Variants in RIPOR2 observed in about 807,000 individuals in gnomAD.
RIPOR2 encodes the protein rho family-interacting cell polarization regulator 2.
In RIPOR2, 39 loss-of-function variants were observed where a neutral mutation model predicts 114.5. The observed-to-expected ratio is 0.34, with a 90% CI of 0.26 to 0.44. The LOEUF (loss-of-function observed/expected upper bound fraction) is 0.44. Among genes scored for constraint, RIPOR2 ranks in the 20% least tolerant of loss-of-function variants. RIPOR2 has a pLI of 1.00. For synonymous variants in RIPOR2, 445 were observed against 484.4 expected (o/e 0.92, Z 1.07); for missense variants, 1,007 against 1,255.1 (o/e 0.80, Z 2.99).
rs138718814 is a variant in RIPOR2, at chr6:24,959,520, G to A, written c.76+82331C>T. On this transcript the variant is annotated intron_variant, in intron 1 of 13. Transcript: ENST00000510784. ...GGTGGCCTCACTTCTGGTTAACCAC[G>A]GATGTAGTGCTGAAACCCAATGGGT... Among the ~76,000 whole-genome samples the A allele has an allele frequency of 2.1e-3, 321 of 152,278 alleles. 4 individuals are homozygous for A. In the East Asian group the frequency reaches 0.023, roughly 11 times the overall value.
At chr6:24,900,259 G>A (rs951040071) in intron 1 of RIPOR2, among the ~76,000 whole-genome samples, 2 of 152,050 alleles carry the variant, frequency 1.3e-5, no homozygotes, top group Non-Finnish European at 2.9e-5. Context: ...GATGCCAGAC[G>A]GCCTAGGTTT....
Position 24,899,848 on chromosome 6 carries a change from C to T in RIPOR2, c.62-24031G>A, listed in dbSNP as rs535971699. Reference sequence around the variant, plus strand: ...CGTTTGCAAGAGGAAGGAGAAGGCACGCCACTGATATGGCGTTATTTATCA... The same window carrying T: ...CGTTTGCAAGAGGAAGGAGAAGGCATGCCACTGATATGGCGTTATTTATCA... On this transcript the variant is annotated intron_variant, in intron 1 of 21. Transcript: ENST00000643898. Among the ~76,000 whole-genome samples, 8 of 152,270 alleles carry T rather than the reference C, an allele frequency of 5.3e-5. No individual in the cohort carries two copies. The East Asian group carries it at 1.2e-3, about 22-fold the overall frequency.
chr6:24,903,653 T>A (rs1264715509), intron 1 of RIPOR2, among the ~76,000 whole-genome samples: 1 of 152,128 alleles, frequency 6.6e-6, no homozygotes, highest in African/African-American at 2.4e-5. Flanking sequence ...AGGGGTTACA[T>A]GAGACATTTT....
chr6:24,852,041 CTT>C (rs1762998385), intron 9 of RIPOR2, among the ~76,000 whole-genome samples: 1 of 151,990 alleles, frequency 6.6e-6, no homozygotes, highest in Non-Finnish European at 1.5e-5. Context: ...GGGGGAATCA[CTT>C]GAGGTCAGGA....
At chr6:24,862,008 AT>A (rs1411635558) in intron 7 of RIPOR2, among the ~76,000 whole-genome samples, 1 of 152,214 alleles carries the variant, frequency 6.6e-6, no homozygotes, top group Non-Finnish European at 1.5e-5. Context: ...CCCAAAAATT[AT>A]TTTTGGGTCT....
chr6:24,824,021 T>A (rs1481356266), intron 19 of RIPOR2, among the ~76,000 whole-genome samples: 1 of 152,148 alleles, frequency 6.6e-6, no homozygotes, highest in Non-Finnish European at 1.5e-5. Flanking sequence ...CCTCCCAAAG[T>A]GTTGGGATTA....
intron 1 of RIPOR2, among the ~76,000 whole-genome samples, chr6:24,951,613 C>G (rs1772767811): frequency 6.6e-6 from 1 of 152,154 alleles, no homozygotes; most frequent in Non-Finnish European, 1.5e-5. Context: ...TTCCCAGTTT[C>G]TCTCCTGTTT....
intron 1 of RIPOR2, among the ~76,000 whole-genome samples, chr6:24,929,731 G>A (rs569926322): frequency 3.3e-5 from 5 of 152,142 alleles, no homozygotes; most frequent in South Asian, 4.1e-4. Context: ...TTTGCCATCC[G>A]AAAATAAATG....
At chr6:24,955,215 A>C (rs1772974513) in intron 1 of RIPOR2, among the ~76,000 whole-genome samples, 1 of 152,240 alleles carries the variant, frequency 6.6e-6, no homozygotes. Context: ...TAAAGCAAGT[A>C]AGATTTAAAA....
At chr6:25,014,602 G>A (rs1276490474) in intron 1 of RIPOR2, among the ~76,000 whole-genome samples, 1 of 152,188 alleles carries the variant, frequency 6.6e-6, no homozygotes, top group African/African-American at 2.4e-5. Context: ...TTGGAGGGGT[G>A]CTAATAAGTG....
At chr6:24,837,568 C>G (rs1761227519) in intron 14 of RIPOR2, among the ~76,000 whole-genome samples, 1 of 152,186 alleles carries the variant, frequency 6.6e-6, no homozygotes. Flanking sequence ...CACCACCACA[C>G]CCAACTAACT....
At chr6:24,877,417 T>G (rs1315770019) in intron 1 of RIPOR2, 8 of 918,980 alleles carry the variant, frequency 8.7e-6, no homozygotes, top group Non-Finnish European at 9.1e-6. Flanking sequence ...TTCATCTGGG[T>G]GAGATGCAAA....
intron 1 of RIPOR2, among the ~76,000 whole-genome samples, chr6:25,011,060 C>T (rs758123726): frequency 4.6e-5 from 7 of 152,168 alleles, no homozygotes; most frequent in Non-Finnish European, 1.0e-4. Context: ...CATGTTACTT[C>T]ATCCTGTTCT....
chr6:24,977,416 T>C (rs993958012), intron 1 of RIPOR2, among the ~76,000 whole-genome samples: 1 of 152,010 alleles, frequency 6.6e-6, no homozygotes, highest in African/African-American at 2.4e-5. Flanking sequence ...ATAATAAAGG[T>C]ACATGTTTAA....
chr6:24,849,010 T>C (rs1216916890), intron 11 of RIPOR2, among the ~76,000 whole-genome samples: 2 of 152,222 alleles, frequency 1.3e-5, no homozygotes, highest in East Asian at 3.8e-4. Context: ...ATTCAAGTGA[T>C]TCTCTTGCCT....
intron 1 of RIPOR2, among the ~76,000 whole-genome samples, chr6:25,000,663 G>T (rs1319401351): frequency 2.7e-5 from 4 of 147,918 alleles, no homozygotes; most frequent in Non-Finnish European, 4.5e-5. Flanking sequence ...TTCTTCCCGT[G>T]CTGGCTTTTC....
intron 1 of RIPOR2, among the ~76,000 whole-genome samples, chr6:24,953,912 T>A (rs1455953927): frequency 6.6e-6 from 1 of 152,224 alleles, no homozygotes; most frequent in Non-Finnish European, 1.5e-5. Context: ...AAACTTACGT[T>A]CATTAAATTT....
chr6:24,888,290 T>A (rs1426256590), intron 1 of RIPOR2, among the ~76,000 whole-genome samples: 1 of 152,192 alleles, frequency 6.6e-6, no homozygotes, highest in Admixed American at 6.5e-5. Flanking sequence ...ATTCCTGGTA[T>A]TATCAGCTCC....
intron 1 of RIPOR2, among the ~76,000 whole-genome samples, chr6:24,901,189 A>G (rs1768405114): frequency 6.6e-6 from 1 of 152,240 alleles, no homozygotes; most frequent in African/African-American, 2.4e-5. Context: ...GAGTGAAACT[A>G]GTCCCCTACA....
Sources: allele counts gnomAD v4.1 joint callset (sites outside exome capture counted in the v4.1 genomes callset), GRCh38; gene constraint gnomAD v4.1.1; transcripts MANE v1.5; gene names NCBI Gene and HGNC (gene_info 2026-07-23, HGNC 2026-07-21).